The following RBFOX2 variants were observed in gnomAD, a reference collection of about 807,000 sequenced individuals.
The protein encoded by RBFOX2 is RNA binding protein fox-1 homolog 2.
A neutral mutation model predicts 49.1 loss-of-function variants in RBFOX2; 10 were observed. The ratio of observed to expected loss-of-function variants is 0.20; its 90% confidence interval spans 0.13 to 0.35. The LOEUF (loss-of-function observed/expected upper bound fraction) is 0.35, where lower values mean the gene tolerates loss of function less well. Among genes scored for constraint, RBFOX2 ranks in the 10% least tolerant of loss-of-function variants. RBFOX2 has a pLI of 1.00. For missense variants in RBFOX2, 323 were observed against 486.9 expected (o/e 0.66, Z 3.17); for synonymous variants, 183 against 187.4 (o/e 0.98, Z 0.19).
At chr22:35,891,306 T>C (rs917686084) in intron 1 of RBFOX2, among the ~76,000 whole-genome samples, 6 of 152,182 alleles carry the variant, frequency 3.9e-5, no homozygotes, top group African/African-American at 1.2e-4. Context: ...GCTAATTGTT[T>C]GTATTTTTAG....
At chr22:35,876,128 T>A (rs1164663393) in intron 1 of RBFOX2, among the ~76,000 whole-genome samples, 1 of 152,194 alleles carries the variant, frequency 6.6e-6, no homozygotes, top group Non-Finnish European at 1.5e-5. Context: ...ATGGCCTTAA[T>A]AACTGATGAA....
At chr22:35,940,362 TAA>T (rs1198686016), upstream of RBFOX2, among the ~76,000 whole-genome samples, 1 of 152,194 alleles carries the variant, frequency 6.6e-6, no homozygotes, top group Non-Finnish European at 1.5e-5. Context: ...CTCAACATCA[TAA>T]GTCATTATGC....
intron 1 of RBFOX2, chr22:35,897,955 TG>T: frequency 1.3e-6 from 1 of 772,418 alleles, no homozygotes. Flanking sequence ...AGCAATTGCT[TG>T]GGGAATCTTC....
chr22:35,786,647 C>T (rs2147311267), intron 2 of RBFOX2, among the ~76,000 whole-genome samples: 1 of 152,248 alleles, frequency 6.6e-6, no homozygotes, highest in South Asian at 2.1e-4. Context: ...AGCGCCTGGC[C>T]TGGAGTGCAT....
At chr22:35,929,697 G>A (rs1293233702) in intron 1 of RBFOX2, among the ~76,000 whole-genome samples, 3 of 151,794 alleles carry the variant, frequency 2.0e-5, no homozygotes, top group East Asian at 1.9e-4. Context: ...TGTTGCCCAC[G>A]CTGGTCTTGA....
At chr22:35,928,077 T>C (rs1415885060) in intron 1 of RBFOX2, among the ~76,000 whole-genome samples, 1 of 152,178 alleles carries the variant, frequency 6.6e-6, no homozygotes, top group East Asian at 1.9e-4. Flanking sequence ...ATATGTTATC[T>C]CTAATACTGT....
chr22:35,793,186 A>ACC (rs1366385976), intron 2 of RBFOX2, among the ~76,000 whole-genome samples: 1 of 152,232 alleles, frequency 6.6e-6, no homozygotes, highest in African/African-American at 2.4e-5. Flanking sequence ...AGCCTGGCCA[A>ACC]CGTGGTGAAA....
chr22:35,791,110 C>A (rs376901527), intron 2 of RBFOX2, among the ~76,000 whole-genome samples: 6 of 152,018 alleles, frequency 3.9e-5, no homozygotes, highest in African/African-American at 1.4e-4. Flanking sequence ...GTAGGCCTGG[C>A]GCAGTGGCTC....
chr22:35,990,588 G>A (rs2057934529), intron 1 of RBFOX2, among the ~76,000 whole-genome samples: 1 of 152,166 alleles, frequency 6.6e-6, no homozygotes, highest in South Asian at 2.1e-4. Flanking sequence ...CCAAAATGTG[G>A]CCTTAGAATA....
At chr22:35,819,651 G>T (rs947471966) in intron 1 of RBFOX2, among the ~76,000 whole-genome samples, 19 of 151,726 alleles carry the variant, frequency 1.3e-4, no homozygotes, top group Non-Finnish European at 2.5e-4. Context: ...TATTTATTGA[G>T]TATCTATCAT....
intron 1 of RBFOX2, 50 bp from the exon 3 acceptor site, chr22:35,810,054 G>A (rs375069513): frequency 4.6e-5 from 71 of 1,558,104 alleles, no homozygotes; most frequent in East Asian, 2.2e-4. Flanking sequence ...TCCTTGTTAC[G>A]TAACTATTTT....
At chr22:35,936,482 T>C (rs1233704489) in intron 1 of RBFOX2, among the ~76,000 whole-genome samples, 6 of 152,172 alleles carry the variant, frequency 3.9e-5, no homozygotes, top group Admixed American at 6.5e-5. Flanking sequence ...CAGTACTCAT[T>C]TGGATTCTGT....
At chr22:35,912,791 T>C (rs976323581) in intron 1 of RBFOX2, among the ~76,000 whole-genome samples, 2 of 152,164 alleles carry the variant, frequency 1.3e-5, no homozygotes, top group East Asian at 1.9e-4. Context: ...CAAGATCATA[T>C]CCCAGAGGCA....
At chr22:35,768,544 G>A (rs1941715537) in intron 4 of RBFOX2, among the ~76,000 whole-genome samples, 195 bp from the exon 6 acceptor site, 1 of 151,892 alleles carries the variant, frequency 6.6e-6, no homozygotes, top group South Asian at 2.1e-4. Flanking sequence ...ATAAAGAACT[G>A]TAATAATAAT....
At chr22:35,753,401 C>A (rs1245689214) in intron 9 of RBFOX2, among the ~76,000 whole-genome samples, 2 of 152,178 alleles carry the variant, frequency 1.3e-5, no homozygotes, top group African/African-American at 4.8e-5. Context: ...TCAGTAGTTA[C>A]CTCATAAAGT....
At chr22:35,915,172 C>T (rs5755992) in intron 1 of RBFOX2, among the ~76,000 whole-genome samples, 11,699 of 152,224 alleles carry the variant, frequency 0.077, 470 homozygotes, top group South Asian at 0.086. Flanking sequence ...TAAGAGCAGC[C>T]CCATCCCCTT....
At chr22:35,840,711 T>G (rs1244309179), upstream of RBFOX2, 1 of 738,492 alleles carries the variant, frequency 1.4e-6, no homozygotes, top group Non-Finnish European at 1.7e-6. Flanking sequence ...ATTTTAAGGA[T>G]GCGATGATGG....
chr22:36,014,203 G>A (rs1449694933), intron 1 of RBFOX2, among the ~76,000 whole-genome samples: 1 of 151,234 alleles, frequency 6.6e-6, no homozygotes, highest in Admixed American at 6.6e-5. Flanking sequence ...CTCACTGCAA[G>A]CTCCGCCTCC....
chr22:35,960,379 G>A (rs1343436113), intron 1 of RBFOX2, among the ~76,000 whole-genome samples: 1 of 152,104 alleles, frequency 6.6e-6, no homozygotes, highest in African/African-American at 2.4e-5. Context: ...CAGAACAGGG[G>A]TTCAGACTTG....
Sources: allele counts gnomAD v4.1 joint callset (sites outside exome capture counted in the v4.1 genomes callset), GRCh38; gene constraint gnomAD v4.1.1; transcripts MANE v1.5; gene names NCBI Gene and HGNC (gene_info 2026-07-23, HGNC 2026-07-21).